PKNOX2: variants seen among roughly 807,000 people sequenced by gnomAD.
PKNOX2 encodes the protein homeobox protein PKNOX2.
A neutral mutation model predicts 53.1 loss-of-function variants in PKNOX2; 14 were observed. That is an observed-to-expected ratio of 0.26 (90% CI 0.17 to 0.41). The LOEUF (loss-of-function observed/expected upper bound fraction) is 0.41, where lower values mean the gene tolerates loss of function less well. Ranked by LOEUF, PKNOX2 falls within the 10% of genes least tolerant of loss-of-function variation. PKNOX2 has a pLI of 1.00. For synonymous variants in PKNOX2, 257 were observed against 242.8 expected, an observed-to-expected ratio of 1.06 and a Z score of -0.54; for missense variants, 496 against 602.8, an observed-to-expected ratio of 0.82 and a Z score of 1.85.
intron 3 of PKNOX2, among the ~76,000 whole-genome samples, chr11:125,332,296 TG>T (rs963246395): frequency 4.1e-5 from 6 of 144,630 alleles, no homozygotes; most frequent in Non-Finnish European, 7.6e-5. Context: ...CGGGGTGGGG[TG>T]GGGGGTTCCT....
At chr11:125,309,240 C>G (rs2135997845) in intron 2 of PKNOX2, among the ~76,000 whole-genome samples, 1 of 150,132 alleles carries the variant, frequency 6.7e-6, no homozygotes, top group East Asian at 2.0e-4. Context: ...CTTCCTTCCT[C>G]TCTTTCTTCC....
chr11:125,254,220 A>G (rs888147409), intron 2 of PKNOX2, among the ~76,000 whole-genome samples: 1 of 152,204 alleles, frequency 6.6e-6, no homozygotes, highest in African/African-American at 2.4e-5. Context: ...ATGTCTCTTT[A>G]TATATTCCAA....
intron 2 of PKNOX2, among the ~76,000 whole-genome samples, chr11:125,247,711 A>G (rs776935839): frequency 1.4e-4 from 21 of 152,050 alleles, no homozygotes; most frequent in Non-Finnish European, 3.1e-4. Flanking sequence ...GAGCCCTTCC[A>G]TGTCTCTGTT....
At chr11:125,415,396 G>A (rs138325652) in intron 10 of PKNOX2, among the ~76,000 whole-genome samples, 1,656 of 152,048 alleles carry the variant, frequency 0.011, 26 homozygotes, top group Middle Eastern at 0.017. Context: ...GATTACAGGC[G>A]TCTACCACCA....
At chr11:125,226,720 C>T (rs2135528892) in intron 1 of PKNOX2, among the ~76,000 whole-genome samples, 1 of 151,032 alleles carries the variant, frequency 6.6e-6, no homozygotes, top group South Asian at 2.1e-4. Context: ...AGCGTAGATA[C>T]TCTCCTACAC....
intron 2 of PKNOX2, among the ~76,000 whole-genome samples, chr11:125,281,059 A>T (rs1374836070): frequency 1.3e-5 from 2 of 152,294 alleles, no homozygotes; most frequent in East Asian, 3.9e-4. Context: ...CACACTCCAA[A>T]GACAATCCAG....
intron 1 of PKNOX2, among the ~76,000 whole-genome samples, chr11:125,216,980 G>T (rs186568392): frequency 1.3e-5 from 2 of 151,760 alleles, no homozygotes; most frequent in East Asian, 3.9e-4. Flanking sequence ...CAGGAGGCCA[G>T]GCTGTGAAAG....
intron 5 of PKNOX2, among the ~76,000 whole-genome samples, chr11:125,383,314 CTTG>C (rs1217338038): frequency 2.6e-5 from 4 of 151,900 alleles, no homozygotes; most frequent in Admixed American, 6.6e-5. Context: ...GTTTGCCTTA[CTTG>C]TTGTGTTCTC....
chr11:125,255,105 GA>G (rs1944315748), intron 2 of PKNOX2, among the ~76,000 whole-genome samples: 1 of 152,208 alleles, frequency 6.6e-6, no homozygotes, highest in African/African-American at 2.4e-5. Flanking sequence ...TTTTATAGAT[GA>G]AAAAATAAGG....
At chr11:125,381,450 G>A (rs972306600) in intron 5 of PKNOX2, among the ~76,000 whole-genome samples, 6 of 152,124 alleles carry the variant, frequency 3.9e-5, no homozygotes, top group Non-Finnish European at 8.8e-5. Context: ...AGTTAACTTG[G>A]AGGGAAGGAT....
chr11:125,259,147 T>A (rs971880309), intron 2 of PKNOX2: 1 of 152,966 alleles, frequency 6.5e-6, no homozygotes, highest in Non-Finnish European at 1.5e-5. Flanking sequence ...GAGAGTGAAT[T>A]TTTCCTGGAT....
intron 4 of PKNOX2, among the ~76,000 whole-genome samples, chr11:125,357,108 C>CATATGAGG (rs1488360689): frequency 6.6e-6 from 1 of 152,218 alleles, no homozygotes; most frequent in Non-Finnish European, 1.5e-5. Flanking sequence ...CCCCAGGGAC[C>CATATGAGG]ATATGAGGGC....
chr11:125,342,343 G>A (rs1028582267), intron 3 of PKNOX2, among the ~76,000 whole-genome samples: 4 of 152,048 alleles, frequency 2.6e-5, no homozygotes, highest in African/African-American at 4.8e-5. Context: ...AGGGTCCCTC[G>A]CCTCCATGCC....
At chr11:125,401,783 G>T (rs1367973530) in intron 7 of PKNOX2, among the ~76,000 whole-genome samples, 1 of 151,946 alleles carries the variant, frequency 6.6e-6, no homozygotes, top group Non-Finnish European at 1.5e-5. Context: ...GTGTGTGTGT[G>T]TGTGTGTATG....
intron 2 of PKNOX2, among the ~76,000 whole-genome samples, chr11:125,292,663 C>T (rs915888951): frequency 2.6e-5 from 4 of 152,178 alleles, no homozygotes; most frequent in Admixed American, 2.0e-4. Flanking sequence ...TGTGGGAAGG[C>T]AGCTTTCACT....
At chr11:125,385,114 T>C (rs1159282435) in intron 5 of PKNOX2, among the ~76,000 whole-genome samples, 2 of 152,174 alleles carry the variant, frequency 1.3e-5, no homozygotes, top group Non-Finnish European at 2.9e-5. Flanking sequence ...TCTGCCACCC[T>C]TAGCTGGCTC....
chr11:125,218,374 A>G (rs11219974), intron 1 of PKNOX2, among the ~76,000 whole-genome samples: 40,453 of 148,574 alleles, frequency 0.27, 6,619 homozygotes, highest in African/African-American at 0.45. Context: ...TTGTGCAGCC[A>G]TAGAGAAGAC....
chr11:125,374,387 C>G (rs1446337040), intron 5 of PKNOX2, among the ~76,000 whole-genome samples: 2 of 152,146 alleles, frequency 1.3e-5, no homozygotes, highest in Non-Finnish European at 2.9e-5. Context: ...ATAGTCCCTG[C>G]TTTTTGAAGC....
chr11:125,315,037 T>C (rs1220218635), intron 2 of PKNOX2, among the ~76,000 whole-genome samples: 3 of 151,688 alleles, frequency 2.0e-5, no homozygotes, highest in Non-Finnish European at 4.4e-5. Flanking sequence ...CCGGACAGAG[T>C]CCTCTCTAAG....
Sources: gnomAD v4.1 joint callset for allele counts (sites outside exome capture counted in the v4.1 genomes callset) on GRCh38, gnomAD v4.1.1 for gene constraint, MANE v1.5 for transcripts, NCBI Gene and HGNC (gene_info 2026-07-23, HGNC 2026-07-21) for gene names.